SNTG1: variants seen among roughly 807,000 people sequenced by gnomAD.
SNTG1 encodes the protein gamma-1-syntrophin.
In SNTG1, 39 loss-of-function variants were observed where a neutral mutation model predicts 74.7. That is an observed-to-expected ratio of 0.52 (90% CI 0.40 to 0.68). The LOEUF (loss-of-function observed/expected upper bound fraction) is 0.68, where lower values mean the gene tolerates loss of function less well. SNTG1 is among the 30% of genes least tolerant of loss of function. The probability of loss-of-function intolerance (pLI) is 0.00; values close to 1 mark genes in which losing one functional copy is unlikely to be tolerated. For synonymous variants in SNTG1, 254 were observed against 217.1 expected, an observed-to-expected ratio of 1.17 and a Z score of -1.49; for missense variants, 685 against 609.5, an observed-to-expected ratio of 1.12 and a Z score of -1.30.
chr8:50,788,844 C>G (rs1195340216), intron 18 of SNTG1, among the ~76,000 whole-genome samples: 1 of 151,890 alleles, frequency 6.6e-6, no homozygotes, highest in Non-Finnish European at 1.5e-5. Context: ...TGCCTCATCT[C>G]CTGCGGCCTC....
chr8:50,247,446 G>A (rs2086450158), intron 2 of SNTG1, among the ~76,000 whole-genome samples: 1 of 152,004 alleles, frequency 6.6e-6, no homozygotes, highest in Non-Finnish European at 1.5e-5. Context: ...ACTAGATTTT[G>A]TTCTGTCATG....
intron 1 of SNTG1, among the ~76,000 whole-genome samples, chr8:50,101,961 T>C (rs991274813): frequency 6.6e-6 from 1 of 152,030 alleles, no homozygotes; most frequent in African/African-American, 2.4e-5. Flanking sequence ...TCTATCATTG[T>C]TGGATATTTG....
intron 18 of SNTG1, among the ~76,000 whole-genome samples, chr8:50,789,614 C>T (rs62518765): frequency 0.015 from 2,297 of 152,098 alleles, 31 homozygotes; most frequent in Admixed American, 0.032. Flanking sequence ...ACCTGCTTTT[C>T]CCATAATTTC....
chr8:50,310,100 A>C (rs953331758), intron 2 of SNTG1, among the ~76,000 whole-genome samples: 1 of 152,214 alleles, frequency 6.6e-6, no homozygotes, highest in Non-Finnish European at 1.5e-5. Context: ...CGTACATCTA[A>C]GCTTACAGTT....
chr8:49,938,396 C>T (rs567408935), intron 1 of SNTG1, among the ~76,000 whole-genome samples: 1 of 152,016 alleles, frequency 6.6e-6, no homozygotes, highest in Non-Finnish European at 1.5e-5. Flanking sequence ...GACAAAGGAG[C>T]ATGTGCATGT....
intron 1 of SNTG1, among the ~76,000 whole-genome samples, chr8:50,155,189 G>A (rs1485258895): frequency 2.0e-5 from 3 of 152,160 alleles, no homozygotes; most frequent in Admixed American, 6.5e-5. Context: ...AAACTACCTT[G>A]ATTACAGGCA....
intron 15 of SNTG1, among the ~76,000 whole-genome samples, chr8:50,691,374 C>T (rs2095378476): frequency 6.6e-6 from 1 of 152,192 alleles, no homozygotes; most frequent in African/African-American, 2.4e-5. Flanking sequence ...CATATTTTTG[C>T]AGTGGCTGGT....
intron 1 of SNTG1, among the ~76,000 whole-genome samples, chr8:50,044,794 C>T (rs1818940643): frequency 1.3e-5 from 2 of 152,152 alleles, no homozygotes; most frequent in Admixed American, 6.5e-5. Context: ...AACTTTTGAT[C>T]TCACAAGGAC....
At chr8:49,973,677 A>C (rs1242530542) in intron 1 of SNTG1, among the ~76,000 whole-genome samples, 2 of 152,210 alleles carry the variant, frequency 1.3e-5, no homozygotes, top group African/African-American at 4.8e-5. Context: ...TATATACTGA[A>C]GAAAAGAGTA....
chr8:50,616,403 C>T (rs1222880361), intron 13 of SNTG1, among the ~76,000 whole-genome samples: 1 of 152,184 alleles, frequency 6.6e-6, no homozygotes, highest in Non-Finnish European at 1.5e-5. Flanking sequence ...GGGCCACTGA[C>T]ACTATCCCTG....
intron 18 of SNTG1, among the ~76,000 whole-genome samples, chr8:50,782,265 G>T (rs1268626972): frequency 1.3e-5 from 2 of 152,124 alleles, no homozygotes; most frequent in Non-Finnish European, 2.9e-5. Flanking sequence ...TTGCTAGATT[G>T]GGGAAGTTCT....
intron 2 of SNTG1, among the ~76,000 whole-genome samples, chr8:50,261,127 A>G (rs62515860): frequency 0.021 from 3,219 of 152,268 alleles, 98 homozygotes; most frequent in Non-Finnish European, 0.025. Context: ...AGAAATTCAA[A>G]CACAGATCAA....
chr8:50,739,544 C>A (rs1476642585), intron 17 of SNTG1, among the ~76,000 whole-genome samples: 1 of 151,932 alleles, frequency 6.6e-6, no homozygotes, highest in African/African-American at 2.4e-5. Flanking sequence ...ACCATTTGAC[C>A]CAGCAATCCA....
At chr8:50,143,657 A>G (rs1271043893) in intron 1 of SNTG1, among the ~76,000 whole-genome samples, 1 of 152,238 alleles carries the variant, frequency 6.6e-6, no homozygotes, top group Non-Finnish European at 1.5e-5. Context: ...AGCAGTCTGT[A>G]AAAGCAATTT....
At chr8:50,547,366 AC>A (rs1450520314) in intron 11 of SNTG1, among the ~76,000 whole-genome samples, 1 of 152,044 alleles carries the variant, frequency 6.6e-6, no homozygotes, top group Non-Finnish European at 1.5e-5. Context: ...TCTGGCATAA[AC>A]CTCTTCACTT....
At chr8:50,402,014 T>C (rs1198291484) in intron 3 of SNTG1, among the ~76,000 whole-genome samples, 196 bp from the exon 4 acceptor site, 4 of 152,178 alleles carry the variant, frequency 2.6e-5, no homozygotes, top group Non-Finnish European at 5.9e-5. Flanking sequence ...ATTATCCGAG[T>C]GTTCACTCTA....
chr8:50,305,117 T>C (rs1031638671), intron 2 of SNTG1, among the ~76,000 whole-genome samples: 1 of 151,290 alleles, frequency 6.6e-6, no homozygotes, highest in African/African-American at 2.4e-5. Context: ...GCCAGGCTGG[T>C]CTCAAACTCC....
chr8:50,392,657 T>C (rs2092677456), intron 2 of SNTG1, among the ~76,000 whole-genome samples: 1 of 152,154 alleles, frequency 6.6e-6, no homozygotes, highest in African/African-American at 2.4e-5. Flanking sequence ...AAATTCTTTG[T>C]GCTTATATAT....
At chr8:50,432,725 A>G (rs573613910) in intron 4 of SNTG1, among the ~76,000 whole-genome samples, 2 of 151,936 alleles carry the variant, frequency 1.3e-5, no homozygotes, top group African/African-American at 2.4e-5. Flanking sequence ...TCCTATTAGT[A>G]TTATGTTAGA....
Sources: allele counts gnomAD v4.1 joint callset (sites outside exome capture counted in the v4.1 genomes callset), GRCh38; gene constraint gnomAD v4.1.1; transcripts MANE v1.5; gene names NCBI Gene and HGNC (gene_info 2026-07-23, HGNC 2026-07-21).